The following ZNF827 variants were observed in gnomAD, a reference collection of about 807,000 sequenced individuals.
ZNF827 encodes zinc finger protein 827.
ZNF827 carries 13 observed loss-of-function variants against 102.4 expected under a neutral mutation model. That is an observed-to-expected ratio of 0.13 (90% CI 0.08 to 0.20). The LOEUF (loss-of-function observed/expected upper bound fraction) is 0.20. Among genes scored for constraint, ZNF827 ranks in the 10% least tolerant of loss-of-function variants. The pLI, the probability that ZNF827 is intolerant of heterozygous loss-of-function variation, is 1.00. For missense variants in ZNF827, 1,103 were observed against 1,344.4 expected (o/e 0.82, Z 2.81); for synonymous variants, 523 against 536.2 (o/e 0.98, Z 0.34).
intron 2 of ZNF827, among the ~76,000 whole-genome samples, chr4:145,898,574 C>T (rs1425799812): frequency 6.6e-6 from 1 of 152,204 alleles, no homozygotes; most frequent in Non-Finnish European, 1.5e-5. Flanking sequence ...TGACATTTAT[C>T]TTTATAGCAA....
At chr4:145,807,295 T>G in intron 8 of ZNF827, among the ~76,000 whole-genome samples, 1 of 152,212 alleles carries the variant, frequency 6.6e-6, no homozygotes, top group East Asian at 1.9e-4. Flanking sequence ...CTTACCTTTG[T>G]TCCTTAACAT....
chr4:145,844,142 A>G (rs1400588853), intron 7 of ZNF827, among the ~76,000 whole-genome samples: 2 of 152,170 alleles, frequency 1.3e-5, no homozygotes, highest in Admixed American at 1.3e-4. Flanking sequence ...CATACACTAA[A>G]TAGCTTAAAG....
Position 145,929,652 on chromosome 4 carries a change from GA to G in ZNF827, c.43+8712del, listed in dbSNP as rs199837979. ...TCACCACACTAATGAGATATATTGA[GA>G]AAAAAAAACCATAGAAACCACCAAA... On this transcript the variant is annotated intron_variant, in intron 1 of 14. Coordinates refer to ENST00000508784, the MANE Select transcript of ZNF827 (RefSeq NM_001306215.2). Among the ~76,000 whole-genome samples the G allele has an allele frequency of 3.9e-3, 578 of 149,954 alleles. 5 individuals are homozygous for G. The highest frequency in any genetic ancestry group is 0.013 in the African/African-American group (545 of 40,860).
intron 7 of ZNF827, chr4:145,832,035 G>A (rs1447043487): frequency 6.6e-6 from 1 of 152,264 alleles, no homozygotes; most frequent in African/African-American, 2.4e-5. Flanking sequence ...GACCAAGGCA[G>A]GAGGATCACT....
chr4:145,807,833 A>T (rs937084807), intron 8 of ZNF827, among the ~76,000 whole-genome samples: 3 of 152,038 alleles, frequency 2.0e-5, no homozygotes, highest in South Asian at 2.1e-4. Flanking sequence ...AACATTAATT[A>T]CTATGAAAGG....
Position 145,758,546 on chromosome 4 carries a change from C to T in ZNF827, c.*3070G>A, listed in dbSNP as rs1339437295. On this transcript the variant is annotated 3_prime_UTR_variant, in exon 15 of 15. Transcript: ENST00000508784. Reference sequence around the variant, plus strand: ...AAAACACATTATTAGCCAAGTGGCACATTCTCCATTATATGGGGATAAAGA... The same window carrying T: ...AAAACACATTATTAGCCAAGTGGCATATTCTCCATTATATGGGGATAAAGA... The T allele has an allele frequency of 6.6e-6, 1 of 152,192 alleles. No individual in the cohort carries two copies. Among genetic ancestry groups the T allele is most frequent in the Non-Finnish European group, 1.5e-5 (1 of 68,066 alleles). 9.4% of individuals were successfully genotyped at this position (152,192 alleles called of 1,614,324 possible). A position where few individuals can be genotyped will look rare whatever the true frequency, so the allele number is the denominator to read the frequency against.
intron 11 of ZNF827, among the ~76,000 whole-genome samples, chr4:145,767,488 A>G (rs568268684): frequency 6.6e-6 from 1 of 152,182 alleles, no homozygotes; most frequent in South Asian, 2.1e-4. Context: ...TTTGAGGAAA[A>G]TCATAAACCC....
rs569822431 is a variant in ZNF827, at chr4:145,807,507, C to T, written c.2383+15915G>A. Among the ~76,000 whole-genome samples, 259 of 151,248 alleles carry T rather than the reference C, an allele frequency of 1.7e-3. 1 individual carries two copies. The highest frequency in any genetic ancestry group is 6.0e-3 in the African/African-American group (247 of 41,290). ...TTTTTTTTTGAGACATAGTCTCGCT[C>T]TGTCGCCCAGGCTGGAGTGCAGTGG... On this transcript the variant is annotated intron_variant, in intron 8 of 14. Coordinates refer to ENST00000508784, the MANE Select transcript of ZNF827 (RefSeq NM_001306215.2).
chr4:145,870,475 G>C lies in ZNF827; in HGVS notation c.1751C>G (p.Ala584Gly). Residue 584 changes from alanine to glycine, a missense_variant, in exon 5 of 15, where the codon GCA (alanine) becomes GGA (glycine). Around this residue, in one of 5 missense-constraint regions of ZNF827, gnomAD observed 157 missense variants for 211.7 expected, o/e 0.74. Coordinates refer to ENST00000508784, the MANE Select transcript of ZNF827 (RefSeq NM_001306215.2). ...ASDFLMKLSAANQKEPMNLNF... is the reference protein window; with the variant it reads ...ASDFLMKLSAGNQKEPMNLNF... ...AAGATTCATGGGCTCCTTCTGATTT[G>C]CAGCTGTCAAAAGAAAAAAAGGGAT... 1 of 1,613,498 alleles carries C rather than the reference G, an allele frequency of 6.2e-7. No individual in the cohort carries two copies. The highest frequency in any genetic ancestry group is 1.1e-5 in the South Asian group (1 of 91,044).
At chr4:145,781,692 A>G (rs11943804) in intron 8 of ZNF827, among the ~76,000 whole-genome samples, 146,057 of 152,298 alleles carry the variant, frequency 0.96, 70,101 homozygotes, top group African/African-American at 0.99. Flanking sequence ...ACTCTTAAAC[A>G]GCTGTCCTTG....
intron 5 of ZNF827, among the ~76,000 whole-genome samples, chr4:145,855,217 T>C (rs1746952319): frequency 6.6e-6 from 1 of 152,266 alleles, no homozygotes; most frequent in African/African-American, 2.4e-5. Context: ...GATTTGGAAC[T>C]AGTATTGTAG....
intron 7 of ZNF827, among the ~76,000 whole-genome samples, chr4:145,838,074 A>G (rs939692679): frequency 6.6e-6 from 1 of 152,200 alleles, no homozygotes; most frequent in Admixed American, 6.5e-5. Flanking sequence ...TCTGAGCCCA[A>G]GCCAAACCAT....
At chr4:145,938,048 T>C (rs553494841) in intron 1 of ZNF827, among the ~76,000 whole-genome samples, 928 of 18,114 alleles carry the variant, frequency 0.051, 1 homozygote, top group African/African-American at 0.092. Context: ...TCTTGCCCCC[T>C]CCCCCCAGCA....
chr4:145,823,388 A>C, intron 8 of ZNF827, 34 bp downstream of exon 8: 1 of 1,546,292 alleles, frequency 6.5e-7, no homozygotes, highest in South Asian at 1.1e-5. Flanking sequence ...TTAAGCAATC[A>C]ACAGTAGAAG....
rs1262686732 is a variant in ZNF827, at chr4:145,761,171, T to G, written c.*445A>C. The G allele has an allele frequency of 3.1e-6, 4 of 1,289,816 alleles. No homozygotes were observed. In the Middle Eastern group the frequency reaches 6.4e-4, roughly 206 times the overall value. 79.9% of individuals were successfully genotyped at this position (1,289,816 alleles called of 1,614,324 possible). A position where few individuals can be genotyped will look rare whatever the true frequency, so the allele number is the denominator to read the frequency against. ...TTGGGGGCTGGACACAGGCCCTTCT[T>G]GTCCTCCTCGGGGCAGTCCCCACTC... is the stretch of plus-strand genomic sequence containing the variant. On this transcript the variant is annotated 3_prime_UTR_variant, in exon 15 of 15. Transcript: ENST00000508784. The surrounding 1 kb of genome is among the most constrained non-coding windows in gnomAD (Gnocchi z 6.8).
chr4:145,779,495 G>C lies in ZNF827; in HGVS notation c.2400C>G (p.Val800=), dbSNP rs756831411. ...ATGGTAATCCATTTCCTGCCTCTAG[G>C]ACTATCTTTTCTGTTTCTGGGTCAA... ...RISAPETEKI[V]LEAGNGLPSW... is the part of the protein sequence containing the mutation. The change falls in exon 9 of 15, where the codon GTC becomes GTG. Residue 800 remains valine (V), a synonymous_variant. Coordinates refer to ENST00000508784, the MANE Select transcript of ZNF827 (RefSeq NM_001306215.2). 6.2e-7 allele frequency: 1 copy of C among 1,613,762 alleles called. No homozygotes were observed. Among genetic ancestry groups the C allele is most frequent in the African/African-American group, 1.3e-5 (1 of 74,894 alleles).
At chr4:145,870,029 A>T (rs1383734884) in intron 5 of ZNF827, among the ~76,000 whole-genome samples, 2 of 152,220 alleles carry the variant, frequency 1.3e-5, no homozygotes, top group Non-Finnish European at 2.9e-5. Flanking sequence ...AGTCAGGAAA[A>T]GGTTGTATTT....
At chr4:145,778,167 CTT>C (rs1234562903) in intron 9 of ZNF827, among the ~76,000 whole-genome samples, 4 of 152,080 alleles carry the variant, frequency 2.6e-5, no homozygotes, top group Admixed American at 2.0e-4. Context: ...GAGTTTCGCT[CTT>C]GTCACTCAGG....
chr4:145,759,561 C>T lies in ZNF827; in HGVS notation c.*2055G>A, dbSNP rs1385831142. ...AATGGAAACTTGTCAGGGGCATAAA[C>T]TGAACCATAGGACTAAACAGCACCT... On this transcript the variant is annotated 3_prime_UTR_variant, in exon 15 of 15. Coordinates refer to ENST00000508784, the MANE Select transcript of ZNF827 (RefSeq NM_001306215.2). 1.3e-5 allele frequency: 2 copies of T among 152,204 alleles called. No individual in the cohort carries two copies. The highest frequency in any genetic ancestry group is 2.9e-5 in the Non-Finnish European group (2 of 68,040). The allele number at this position is 152,204 out of a possible 1,614,324, so 9.4% of individuals were successfully genotyped here.
Sources: gnomAD v4.1 joint callset for allele counts (sites outside exome capture counted in the v4.1 genomes callset) on GRCh38, gnomAD v4.1.1 for gene constraint, gnomAD v4.1.1 regional missense constraint, Gnocchi (gnomAD v3.1) non-coding constraint, MANE v1.5 for transcripts, NCBI Gene and HGNC (gene_info 2026-07-23, HGNC 2026-07-21) for gene names.